Variants in PLEKHD1 observed in about 807,000 individuals in gnomAD.
PLEKHD1 encodes pleckstrin homology domain-containing family D member 1.
In PLEKHD1, 51 loss-of-function variants were observed where a neutral mutation model predicts 69.2. The ratio of observed to expected loss-of-function variants is 0.74; its 90% CI spans 0.59 to 0.93. PLEKHD1 has a LOEUF of 0.93. Ranked by LOEUF, PLEKHD1 falls within the 40% of genes least tolerant of loss-of-function variation. PLEKHD1 has a pLI of 0.00. For synonymous variants in PLEKHD1, 236 were observed against 244.7 expected (o/e 0.96, Z 0.33); for missense variants, 584 against 641.0 (o/e 0.91, Z 0.96).
intron 6 of PLEKHD1, among the ~76,000 whole-genome samples, chr14:69,513,566 T>C (rs1883319226): frequency 6.6e-6 from 1 of 152,166 alleles, no homozygotes; most frequent in African/African-American, 2.4e-5. Flanking sequence ...ACTATTAAAT[T>C]AGGTTTTCAA....
intron 6 of PLEKHD1, among the ~76,000 whole-genome samples, chr14:69,510,166 T>C (rs1219939442): frequency 6.6e-6 from 1 of 152,198 alleles, no homozygotes; most frequent in Admixed American, 6.5e-5. Context: ...CAATATTGAG[T>C]TGGCTATTAT....
At chr14:69,517,282 G>T (rs1430098310) in intron 6 of PLEKHD1, among the ~76,000 whole-genome samples, 1 of 152,208 alleles carries the variant, frequency 6.6e-6, no homozygotes, top group Non-Finnish European at 1.5e-5. Flanking sequence ...TGCACTGGAA[G>T]ATCACAAGCT....
chr14:69,493,250 T>C (rs1882816291), intron 1 of PLEKHD1, among the ~76,000 whole-genome samples: 1 of 152,208 alleles, frequency 6.6e-6, no homozygotes, highest in Non-Finnish European at 1.5e-5. Context: ...TCTGCAGAGA[T>C]AGCAGAGATA....
intron 1 of PLEKHD1, among the ~76,000 whole-genome samples, chr14:69,492,358 A>G (rs1882795221): frequency 6.6e-6 from 1 of 152,182 alleles, no homozygotes; most frequent in Admixed American, 6.5e-5. Flanking sequence ...CTGGACCCCT[A>G]AACCATTGAT....
chr14:69,516,163 C>CT lies in PLEKHD1; in HGVS notation c.556-6119dup, dbSNP rs1256804887. On this transcript the variant is annotated intron_variant, in intron 6 of 12. Coordinates refer to ENST00000322564, the MANE Select transcript of PLEKHD1 (RefSeq NM_001161498.2). Reference sequence around the variant, plus strand: ...ACTTATTAGAATAAAGTGACAACTTCTAAATTCCTTACATGCTGAACTGGA... The same window carrying CT: ...ACTTATTAGAATAAAGTGACAACTTCTTAAATTCCTTACATGCTGAACTGGA... Among the ~76,000 whole-genome samples the CT allele has an allele frequency of 2.0e-5, 3 of 152,208 alleles. No individual in the cohort carries two copies. In the East Asian group the frequency reaches 5.8e-4, roughly 29 times the overall value.
upstream of PLEKHD1, among the ~76,000 whole-genome samples, chr14:69,481,261 T>C (rs1462324649): frequency 6.6e-6 from 1 of 152,170 alleles, no homozygotes; most frequent in Non-Finnish European, 1.5e-5. Context: ...AGGTCGAGGC[T>C]GCAGTGAGCT....
chr14:69,493,777 A>G (rs1284819094), intron 1 of PLEKHD1, among the ~76,000 whole-genome samples: 1 of 152,182 alleles, frequency 6.6e-6, no homozygotes, highest in Non-Finnish European at 1.5e-5. Flanking sequence ...ATTCTTTATG[A>G]TGGGAGAGAG....
intron 1 of PLEKHD1, among the ~76,000 whole-genome samples, chr14:69,487,023 A>T (rs548631552): frequency 2.6e-4 from 39 of 152,318 alleles, no homozygotes; most frequent in African/African-American, 8.7e-4. Flanking sequence ...CTAAAAGTCA[A>T]GTCCTTTAGC....
At chr14:69,494,634 G>A (rs913013273) in intron 1 of PLEKHD1, among the ~76,000 whole-genome samples, 2 of 152,254 alleles carry the variant, frequency 1.3e-5, no homozygotes, top group Admixed American at 1.3e-4. Flanking sequence ...TGCAGAAAGG[G>A]CAGCCATCTC....
In PLEKHD1 at chr14:69,526,709, C is replaced by A; in HGVS notation, c.936C>A (p.Asn312Lys). The A allele has an allele frequency of 6.5e-7, 1 of 1,534,144 alleles. No individual in the cohort carries two copies. Among genetic ancestry groups the A allele is most frequent in the Non-Finnish European group, 8.8e-7 (1 of 1,138,328 alleles). ...KLLAEKRMKE[N>K]EERSRALEEE... ...TCTGTCCCTACAGGATGAAGGAGAA[C>A]GAGGAGCGCTCACGGGCCCTGGAGG... Residue 312 changes from asparagine to lysine, a missense_variant, in exon 10 of 13, where the codon AAC becomes AAA. Asn to Lys is a moderately conservative substitution (Grantham distance 94). Coordinates refer to ENST00000322564, the MANE Select transcript of PLEKHD1 (RefSeq NM_001161498.2).
At chr14:69,501,879 A>G in intron 5 of PLEKHD1, 54 bp downstream of exon 5, 1 of 1,431,066 alleles carries the variant, frequency 7.0e-7, no homozygotes, top group Non-Finnish European at 9.6e-7. Flanking sequence ...ACCAGGGGCT[A>G]TAGCCAGGGG....
Position 69,529,950 on chromosome 14 carries a change from C to T in PLEKHD1, c.*1531C>T, listed in dbSNP as rs1345209351. 6.6e-6 allele frequency: 1 copy of T among 152,344 alleles called. No homozygotes were observed. The highest frequency in any genetic ancestry group is 2.4e-5 in the African/African-American group (1 of 41,466). The allele number at this position is 152,344 out of a possible 1,614,324, so 9.4% of individuals were successfully genotyped here. ...ACCCTCTCCCTGCAGGCCCACCCTC[C>T]AAAGCTACCTGAGGCTATTGGCCTC... On this transcript the variant is annotated 3_prime_UTR_variant, in exon 13 of 13. Transcript: ENST00000322564.
chr14:69,494,657 C>T (rs564580461), intron 1 of PLEKHD1, among the ~76,000 whole-genome samples: 17 of 152,350 alleles, frequency 1.1e-4, no homozygotes, highest in African/African-American at 2.4e-4. Flanking sequence ...GCCCTTGGGC[C>T]GTCTCTAGCC....
intron 1 of PLEKHD1, among the ~76,000 whole-genome samples, chr14:69,493,091 G>A (rs1717734308): frequency 6.6e-6 from 1 of 152,158 alleles, no homozygotes; most frequent in African/African-American, 2.4e-5. Flanking sequence ...TTAAAAGTAT[G>A]TTGGTTTCTA....
intron 6 of PLEKHD1, among the ~76,000 whole-genome samples, chr14:69,513,074 C>T (rs999506886): frequency 6.6e-6 from 1 of 151,892 alleles, no homozygotes; most frequent in Non-Finnish European, 1.5e-5. Flanking sequence ...CAGCAAGACC[C>T]TGGGCATGGT....
chr14:69,526,690 C>A lies in PLEKHD1; in HGVS notation c.924-7C>A. ...GCATTGAGAAAGTGCCTCTTCTGTCCCTACAGGATGAAGGAGAACGAGGAG... is the reference window on the plus strand; with the variant it reads ...GCATTGAGAAAGTGCCTCTTCTGTCACTACAGGATGAAGGAGAACGAGGAG... On this transcript the variant is annotated splice_polypyrimidine_tract_variant and splice_region_variant and intron_variant, in intron 9 of 12. Coordinates refer to ENST00000322564, the MANE Select transcript of PLEKHD1 (RefSeq NM_001161498.2). The A allele has an allele frequency of 6.7e-7, 1 of 1,501,228 alleles. No individual in the cohort carries two copies. The allele number at this position is 1,501,228 out of a possible 1,614,324, so 93.0% of individuals were successfully genotyped here.
chr14:69,500,722 G>T (rs576380367), intron 3 of PLEKHD1, 56 bp downstream of exon 3: 7 of 1,535,660 alleles, frequency 4.6e-6, no homozygotes, highest in African/African-American at 2.7e-5. Flanking sequence ...AGCCTCTCAG[G>T]CCTCTTCAGG....
chr14:69,513,397 G>A lies in PLEKHD1; in HGVS notation c.556-8886G>A, dbSNP rs1417156319. On this transcript the variant is annotated intron_variant, in intron 6 of 12. Coordinates refer to ENST00000322564, the MANE Select transcript of PLEKHD1 (RefSeq NM_001161498.2). The stretch of plus-strand genomic sequence containing the variant: ...CAAATTTATAGACAAAAAAGGTAAA[G>A]TGACATATAGGAATCGGAAGTGAGG... Among the ~76,000 whole-genome samples the A allele has an allele frequency of 3.3e-5, 5 of 152,188 alleles. No individual in the cohort carries two copies. In the South Asian group the frequency reaches 8.3e-4, roughly 25 times the overall value.
intron 1 of PLEKHD1, among the ~76,000 whole-genome samples, chr14:69,497,524 G>A (rs1436799403): frequency 1.3e-5 from 2 of 152,270 alleles, no homozygotes; most frequent in African/African-American, 2.4e-5. Context: ...GGCCTGGGTG[G>A]GTCACCAAGG....
Sources: gnomAD v4.1 joint callset for allele counts (sites outside exome capture counted in the v4.1 genomes callset) on GRCh38, gnomAD v4.1.1 for gene constraint, MANE v1.5 for transcripts, NCBI Gene and HGNC (gene_info 2026-07-23, HGNC 2026-07-21) for gene names.